Variants in SPTB observed in about 807,000 individuals in gnomAD.
The protein encoded by SPTB is spectrin beta, erythrocytic, also known as spectrin beta chain, erythrocytic.
A neutral mutation model predicts 256.2 loss-of-function variants in SPTB; 45 were observed. That is an observed-to-expected ratio of 0.18 (90% CI 0.14 to 0.23). SPTB has a LOEUF of 0.23. Ranked by LOEUF, SPTB falls within the 10% of genes least tolerant of loss-of-function variation. The pLI is 1.00. For synonymous variants in SPTB, 1,231 were observed against 1,243.1 expected, an observed-to-expected ratio of 0.99 and a Z score of 0.21; for missense variants, 2,715 against 3,040.4, an observed-to-expected ratio of 0.89 and a Z score of 2.52.
intron 28 of SPTB, among the ~76,000 whole-genome samples, 183 bp from the exon 29 acceptor site, chr14:64,769,301 C>T (rs560635540): frequency 2.0e-5 from 3 of 152,206 alleles, no homozygotes; most frequent in Admixed American, 6.5e-5. Flanking sequence ...GAGGCCCATG[C>T]GCCTCTCCTA....
At chr14:64,789,428 C>G (rs566683811) in intron 15 of SPTB, among the ~76,000 whole-genome samples, 1 of 151,910 alleles carries the variant, frequency 6.6e-6, no homozygotes, top group Non-Finnish European at 1.5e-5. Context: ...GAGACATAAA[C>G]AAGTCTATAA....
At chr14:64,801,865 A>T (rs1232950098) in intron 5 of SPTB, 31 bp from the exon 6 acceptor site, 4 of 1,602,316 alleles carry the variant, frequency 2.5e-6, no homozygotes, top group Admixed American at 1.7e-5. Flanking sequence ...AAGAGCTAAG[A>T]ATTAGATTTT....
At chr14:64,867,442 G>C (rs1004742861) in intron 1 of SPTB, among the ~76,000 whole-genome samples, 7 of 152,188 alleles carry the variant, frequency 4.6e-5, no homozygotes, top group African/African-American at 7.2e-5. Flanking sequence ...CTACAGCGTG[G>C]ACAGCAAAAG....
intron 1 of SPTB, among the ~76,000 whole-genome samples, chr14:64,870,133 T>G (rs1324602628): frequency 6.6e-6 from 1 of 152,120 alleles, no homozygotes; most frequent in Non-Finnish European, 1.5e-5. Flanking sequence ...AAAAGGGTAC[T>G]GTAAAAATAC....
Position 64,775,120 on chromosome 14 carries a change from C to T in SPTB, c.4842+5G>A. On this transcript the variant is annotated splice_donor_5th_base_variant and intron_variant, in intron 23 of 35. Coordinates refer to ENST00000644917, the MANE Select transcript of SPTB (RefSeq NM_001355436.2). The surrounding 1 kb of genome is among the most constrained non-coding windows in gnomAD (Gnocchi z 5.0). ...CCCTGGCTGGTATCCCCTGCCCGAA[C>T]AGACCTTGGGGATCTCATCGGAGAT... is the stretch of plus-strand genomic sequence containing the variant. The T allele has an allele frequency of 6.2e-7, 1 of 1,613,924 alleles. No homozygotes were observed. Among genetic ancestry groups the T allele is most frequent in the Non-Finnish European group, 8.5e-7 (1 of 1,180,030 alleles).
intron 32 of SPTB, 78 bp from the exon 33 acceptor site, chr14:64,753,871 G>A (rs973447142): frequency 1.9e-6 from 3 of 1,581,366 alleles, no homozygotes; most frequent in Non-Finnish European, 2.6e-6. Context: ...AAATTGGGAG[G>A]TCAGCAGCCA....
rs188442051 is a variant in SPTB, at chr14:64,746,419, G to A, written c.*2887C>T. The A allele has an allele frequency of 2.0e-5, 3 of 152,868 alleles. No homozygotes were observed. The highest frequency in any genetic ancestry group is 2.0e-4 in the Admixed American group (3 of 15,316). The allele number at this position is 152,868 out of a possible 1,614,324, so 9.5% of individuals were successfully genotyped here. ...GATTGCATGGTCTGTGCCCAACAGG[G>A]TTGCATTCCTCTGCAGCCGCCGCCT... On this transcript the variant is annotated 3_prime_UTR_variant, in exon 36 of 36. Coordinates refer to ENST00000644917, the MANE Select transcript of SPTB (RefSeq NM_001355436.2). This position sits in a 1 kb window ranked among gnomAD's most constrained non-coding sequence, Gnocchi z 4.9.
rs1004218224 is a variant in SPTB at position 64,749,145 on chromosome 14, C to T, written c.*161G>A. 72 of 788,604 alleles carry T rather than the reference C, an allele frequency of 9.1e-5. No homozygotes were observed. The highest frequency in any genetic ancestry group is 1.3e-4 in the Non-Finnish European group (66 of 517,932). 48.9% of individuals were successfully genotyped at this position (788,604 alleles called of 1,614,324 possible). ...GGAGGGGGCGTCGGCCCAGGACACG[C>T]GGGCGAAGGCAGCTTTTGCAGTGCA... On this transcript the variant is annotated 3_prime_UTR_variant, in exon 36 of 36. Coordinates refer to ENST00000644917, the MANE Select transcript of SPTB (RefSeq NM_001355436.2). This position sits in a 1 kb window ranked among gnomAD's most constrained non-coding sequence, Gnocchi z 4.7.
intron 1 of SPTB, among the ~76,000 whole-genome samples, chr14:64,857,300 G>A (rs909827203): frequency 2.0e-5 from 3 of 151,962 alleles, no homozygotes; most frequent in Admixed American, 6.6e-5. Context: ...AAACAATCCC[G>A]GGCCGGACAC....
chr14:64,845,359 A>G lies in SPTB; in HGVS notation c.-51-22214T>C, dbSNP rs2083673333. On this transcript the variant is annotated intron_variant, in intron 1 of 35. Coordinates refer to ENST00000644917, the MANE Select transcript of SPTB (RefSeq NM_001355436.2). This position sits in a 1 kb window ranked among gnomAD's most constrained non-coding sequence, Gnocchi z 4.8. Reference sequence around the variant, plus strand: ...ACACAGATGTAAAGCTCATGAATACAGAACAGATACTGGCTGTGTGGCACA... The same window carrying G: ...ACACAGATGTAAAGCTCATGAATACGGAACAGATACTGGCTGTGTGGCACA... 6.6e-6 allele frequency among the ~76,000 whole-genome samples: 1 copy of G among 152,268 alleles called. No individual in the cohort carries two copies. The highest frequency in any genetic ancestry group is 1.5e-5 in the Non-Finnish European group (1 of 68,054).
chr14:64,755,650 T>C (rs546135599), intron 32 of SPTB: 1 of 152,194 alleles, frequency 6.6e-6, no homozygotes, highest in South Asian at 2.1e-4. Context: ...GGAAAGCCTC[T>C]GAGAAAGGGA....
intron 33 of SPTB, 199 bp from the exon 34 acceptor site, chr14:64,750,353 G>A: frequency 1.7e-6 from 1 of 601,430 alleles, no homozygotes; most frequent in Non-Finnish European, 2.7e-6. Context: ...ATTCCTTCTA[G>A]TCTTCACATT....
intron 2 of SPTB, among the ~76,000 whole-genome samples, chr14:64,822,662 C>T (rs974730903): frequency 1.3e-5 from 2 of 152,130 alleles, no homozygotes; most frequent in African/African-American, 4.8e-5. Flanking sequence ...TGCCCAGACT[C>T]TCGTACTTCT....
At chr14:64,856,984 T>G (rs1320091273) in intron 1 of SPTB, among the ~76,000 whole-genome samples, 2 of 152,332 alleles carry the variant, frequency 1.3e-5, no homozygotes, top group Non-Finnish European at 2.9e-5. Context: ...TGCTTTAATT[T>G]CCTTATCATT....
chr14:64,781,445 G>A (rs1218117365), intron 20 of SPTB, among the ~76,000 whole-genome samples: 1 of 152,140 alleles, frequency 6.6e-6, no homozygotes, highest in Non-Finnish European at 1.5e-5. Flanking sequence ...CACACATGCA[G>A]GCAACAATAT....
intron 1 of SPTB, among the ~76,000 whole-genome samples, chr14:64,867,163 C>A (rs1279197339): frequency 6.6e-6 from 1 of 152,194 alleles, no homozygotes; most frequent in African/African-American, 2.4e-5. Flanking sequence ...CTAAAGCAAT[C>A]CTCTTCCCTC....
chr14:64,800,654 G>A, intron 8 of SPTB, 102 bp downstream of exon 8: 1 of 1,013,560 alleles, frequency 9.9e-7, no homozygotes, highest in Non-Finnish European at 1.5e-6. Context: ...GGGGGTGGGT[G>A]AGCTGTACTC....
chr14:64,783,208 A>ATTT (rs59708222), intron 19 of SPTB, among the ~76,000 whole-genome samples: 1 of 146,554 alleles, frequency 6.8e-6, no homozygotes, highest in African/African-American at 2.5e-5. Context: ...ATAATAGTTA[A>ATTT]TTTTTTTTTT....
rs150968094 is a variant in SPTB at position 64,795,469 on chromosome 14, G to A, written c.1512C>T (p.Asp504=). The change falls in exon 12 of 36, where the codon GAC becomes GAT. Residue 504 remains aspartate (D), a synonymous_variant. Coordinates refer to ENST00000644917, the MANE Select transcript of SPTB (RefSeq NM_001355436.2). The surrounding 1 kb of genome is among the most constrained non-coding windows in gnomAD (Gnocchi z 6.5). ...HDQKRITARK[D]NILRLWSYLQ... ...GGTAGCTCCATAGGCGCAGTATATT[G>A]TCCTTGCGGGCCGTGATGCGCTTCT... The A allele has an allele frequency of 2.1e-3, 3,460 of 1,614,188 alleles. 6 individuals are homozygous for A. The highest frequency in any genetic ancestry group is 2.6e-3 in the Non-Finnish European group (3,121 of 1,180,030).
Sources: gnomAD v4.1 joint callset for allele counts (sites outside exome capture counted in the v4.1 genomes callset) on GRCh38, gnomAD v4.1.1 for gene constraint, Gnocchi (gnomAD v3.1) non-coding constraint, MANE v1.5 for transcripts, NCBI Gene and HGNC (gene_info 2026-07-23, HGNC 2026-07-21) for gene names.